FOXP1: variants seen among roughly 807,000 people sequenced by gnomAD.
FOXP1 encodes forkhead box P1.
A neutral mutation model predicts 98.2 loss-of-function variants in FOXP1; 15 were observed. The observed-to-expected ratio is 0.15, with a 90% CI of 0.10 to 0.24. The LOEUF is 0.24. Ranked by LOEUF, FOXP1 falls within the 10% of genes least tolerant of loss-of-function variation. FOXP1 has a pLI of 1.00. For synonymous variants in FOXP1, 371 were observed against 314.5 expected, an observed-to-expected ratio of 1.18 and a Z score of -1.90; for missense variants, 633 against 848.5, an observed-to-expected ratio of 0.75 and a Z score of 3.15.
intron 4 of FOXP1, among the ~76,000 whole-genome samples, chr3:71,344,809 G>GC (rs986473151): frequency 1.3e-5 from 2 of 150,842 alleles, no homozygotes; most frequent in East Asian, 2.0e-4. Flanking sequence ...GTCCAGCCTG[G>GC]GGGAAAGAGC....
chr3:70,968,869 T>C (rs1005734404), intron 19 of FOXP1: 2 of 152,220 alleles, frequency 1.3e-5, no homozygotes, highest in Non-Finnish European at 1.5e-5. Context: ...GTCTGTCTAC[T>C]GATCAGGGAT....
chr3:71,375,792 C>A (rs1271192742), intron 3 of FOXP1, among the ~76,000 whole-genome samples: 3 of 152,188 alleles, frequency 2.0e-5, no homozygotes, highest in Non-Finnish European at 2.9e-5. Flanking sequence ...ATGACTTTTA[C>A]AAAATCAGAC....
intron 7 of FOXP1, among the ~76,000 whole-genome samples, chr3:71,081,488 C>T (rs967411461): frequency 7.2e-5 from 11 of 152,074 alleles, no homozygotes; most frequent in African/African-American, 2.7e-4. Flanking sequence ...CAGGCAGAAC[C>T]GAGACCAGAA....
At chr3:70,998,301 T>C (rs185886192) in intron 13 of FOXP1, among the ~76,000 whole-genome samples, 2 of 152,324 alleles carry the variant, frequency 1.3e-5, no homozygotes, top group Non-Finnish European at 2.9e-5. Context: ...TGTGTTCTCA[T>C]ATAATTTTAC....
intron 3 of FOXP1, among the ~76,000 whole-genome samples, chr3:71,450,736 T>C (rs894296789): frequency 6.6e-6 from 1 of 152,172 alleles, no homozygotes; most frequent in African/African-American, 2.4e-5. Context: ...GATGAGTTGG[T>C]CATTTTTTTA....
intron 2 of FOXP1, among the ~76,000 whole-genome samples, chr3:71,515,404 G>A (rs992097351): frequency 2.6e-5 from 3 of 116,668 alleles, no homozygotes; most frequent in Middle Eastern, 7.4e-3. Context: ...AATGGTATAC[G>A]CATTTCCCTT....
chr3:71,583,679 C>G lies in FOXP1; in HGVS notation c.-555G>C. ...CCGCGCACACACTCACTCGCGCACA[C>G]ACGCGCGCACACACGCACTCCCGGG... On this transcript the variant is annotated 5_prime_UTR_variant, in exon 1 of 21. Coordinates refer to ENST00000649528, the MANE Select transcript of FOXP1 (RefSeq NM_001349338.3). 1 of 984,684 alleles carries G rather than the reference C, an allele frequency of 1.0e-6. No individual in the cohort carries two copies. Among genetic ancestry groups the G allele is most frequent in the African/African-American group, 1.7e-5 (1 of 57,148 alleles). The allele number at this position is 984,684 out of a possible 1,614,324, so 61.0% of individuals were successfully genotyped here. A position where few individuals can be genotyped will look rare whatever the true frequency, so the allele number is the denominator to read the frequency against.
chr3:71,322,177 G>T (rs2075427543), intron 4 of FOXP1, among the ~76,000 whole-genome samples: 1 of 152,094 alleles, frequency 6.6e-6, no homozygotes, highest in South Asian at 2.1e-4. Context: ...TGTACTATAT[G>T]GAATAAAAAC....
chr3:71,248,470 C>T (rs1368017846), intron 5 of FOXP1, among the ~76,000 whole-genome samples: 1 of 152,110 alleles, frequency 6.6e-6, no homozygotes, highest in East Asian at 1.9e-4. Context: ...TGGCCAGGCA[C>T]GGTGGCTCAC....
chr3:71,213,377 T>C (rs2064651273), intron 5 of FOXP1, among the ~76,000 whole-genome samples: 1 of 152,192 alleles, frequency 6.6e-6, no homozygotes, highest in Non-Finnish European at 1.5e-5. Context: ...CATAAGACCT[T>C]TTCTCATTAA....
rs987536405 is a variant in FOXP1 at position 70,977,983 on chromosome 3, G to A, written c.1193C>T (p.Ala398Val). 1.2e-6 allele frequency: 2 copies of A among 1,614,030 alleles called. No individual in the cohort carries two copies. The highest frequency in any genetic ancestry group is 3.3e-5 in the Admixed American group (2 of 60,016). ...SVTLSKSASE[A>V]SPQSLPHTPT... ...AGTATGAGGTAAGCTCTGTGGAGAA[G>A]CCTCCGATGCGGACTTGGAGAGAGT... Residue 398 changes from alanine (A) to valine (V), a missense_variant, in exon 15 of 21, where the codon GCT becomes GTT. Coordinates refer to ENST00000649528, the MANE Select transcript of FOXP1 (RefSeq NM_001349338.3).
intron 2 of FOXP1, chr3:71,542,177 C>CTTAAT: frequency 5.0e-6 from 2 of 399,666 alleles, no homozygotes; most frequent in Non-Finnish European, 1.0e-5. Flanking sequence ...AAACAACACC[C>CTTAAT]TTAATGTTTT....
chr3:71,338,333 G>C (rs930964422), intron 4 of FOXP1, among the ~76,000 whole-genome samples: 2 of 151,676 alleles, frequency 1.3e-5, no homozygotes, highest in Non-Finnish European at 2.9e-5. Flanking sequence ...GTTATAGAAA[G>C]TGGATAATTA....
intron 7 of FOXP1, among the ~76,000 whole-genome samples, chr3:71,109,872 C>T (rs187204337): frequency 1.3e-5 from 2 of 152,218 alleles, no homozygotes; most frequent in East Asian, 3.9e-4. Context: ...AGTCCACCAA[C>T]CTTTTAGATT....
In FOXP1 at chr3:71,079,757, A is replaced by G. The variant is rs568850068; in HGVS notation, c.283-25984T>C. Among the ~76,000 whole-genome samples, 10 of 152,346 alleles carry G rather than the reference A, an allele frequency of 6.6e-5. 2 individuals are homozygous for G. Among genetic ancestry groups the G allele is most frequent in the African/African-American group, 2.4e-4 (10 of 41,588 alleles). ...CTGCCTCCTCCTGCCACCTTCACTC[A>G]GCACCCAGCACAGTGCCTGGCTCTC... On this transcript the variant is annotated intron_variant, in intron 7 of 20. Coordinates refer to ENST00000649528, the MANE Select transcript of FOXP1 (RefSeq NM_001349338.3).
chr3:71,045,948 T>C (rs754881345), intron 10 of FOXP1, among the ~76,000 whole-genome samples: 4 of 152,172 alleles, frequency 2.6e-5, no homozygotes, highest in South Asian at 2.1e-4. Context: ...AACATCCAAA[T>C]CTACTAGAGT....
chr3:71,431,526 C>A (rs1439270054), intron 3 of FOXP1, among the ~76,000 whole-genome samples: 1 of 152,120 alleles, frequency 6.6e-6, no homozygotes, highest in East Asian at 1.9e-4. Context: ...ACCTGAGGGT[C>A]CAAGAGATCT....
intron 6 of FOXP1, among the ~76,000 whole-genome samples, chr3:71,168,060 GAT>G: frequency 6.6e-6 from 1 of 152,218 alleles, no homozygotes; most frequent in Non-Finnish European, 1.5e-5. Context: ...CGCATTTATT[GAT>G]AGAGGTTTGT....
chr3:71,296,155 A>C (rs1226593529), intron 5 of FOXP1: 1 of 152,224 alleles, frequency 6.6e-6, no homozygotes, highest in East Asian at 1.9e-4. Flanking sequence ...TTATGTATAT[A>C]ATCAGTTATT....
Sources: gnomAD v4.1 joint callset for allele counts (sites outside exome capture counted in the v4.1 genomes callset) on GRCh38, gnomAD v4.1.1 for gene constraint, MANE v1.5 for transcripts, NCBI Gene and HGNC (gene_info 2026-07-23, HGNC 2026-07-21) for gene names.